Variants in PIWIL3 observed in about 807,000 individuals in gnomAD.
PIWIL3 encodes piwi like RNA-mediated gene silencing 3, also known as piwi-like protein 3.
Under a neutral mutation model 109.7 loss-of-function variants are expected in PIWIL3, and 101 were observed. That is an observed-to-expected ratio of 0.92 (90% CI 0.78 to 1.09). The LOEUF is 1.09. Ranked by LOEUF, PIWIL3 falls within the 50% of genes least tolerant of loss-of-function variation. PIWIL3 has a pLI of 0.00. For missense variants in PIWIL3, 1,031 were observed against 1,072.6 expected (o/e 0.96, Z 0.54); for synonymous variants, 373 against 376.4 (o/e 0.99, Z 0.10).
intron 12 of PIWIL3, among the ~76,000 whole-genome samples, chr22:24,737,248 G>A (rs377602762): frequency 1.5e-4 from 23 of 152,290 alleles, no homozygotes; most frequent in African/African-American, 5.3e-4. Context: ...GGATACCAGC[G>A]CAGCTACAGT....
chr22:24,773,800 C>T (rs375094020), intron 1 of PIWIL3, among the ~76,000 whole-genome samples: 2 of 149,334 alleles, frequency 1.3e-5, no homozygotes, highest in African/African-American at 5.0e-5. Flanking sequence ...CTGCAACCTC[C>T]GCCTCCCAGG....
intron 14 of PIWIL3, among the ~76,000 whole-genome samples, 180 bp from the exon 15 acceptor site, chr22:24,728,554 T>C (rs887190144): frequency 5.3e-5 from 8 of 152,202 alleles, no homozygotes; most frequent in African/African-American, 1.7e-4. Context: ...ATAACATAAT[T>C]ATATCAACTT....
chr22:24,757,621 C>T (rs1383389624), intron 4 of PIWIL3, among the ~76,000 whole-genome samples: 1 of 138,306 alleles, frequency 7.2e-6, no homozygotes, highest in Non-Finnish European at 1.6e-5. Context: ...TACATACACA[C>T]ACACACACAC....
At chr22:24,720,800 T>C (rs1017107890) in intron 19 of PIWIL3, among the ~76,000 whole-genome samples, 6 of 152,196 alleles carry the variant, frequency 3.9e-5, no homozygotes, top group Admixed American at 3.3e-4. Context: ...AATTCCACTG[T>C]GGTTTCAAGT....
intron 3 of PIWIL3, among the ~76,000 whole-genome samples, chr22:24,758,300 A>G (rs371638755): frequency 1.3e-5 from 2 of 152,198 alleles, no homozygotes; most frequent in African/African-American, 4.8e-5. Context: ...GTATTTGTTC[A>G]TGGTACAAGA....
intron 1 of PIWIL3, among the ~76,000 whole-genome samples, chr22:24,765,741 G>T (rs1423387494): frequency 6.7e-6 from 1 of 150,370 alleles, no homozygotes; most frequent in Non-Finnish European, 1.5e-5. Flanking sequence ...TGTATAAAAA[G>T]TTCCACAGGT....
chr22:24,762,237 T>TC, intron 2 of PIWIL3, 161 bp downstream of exon 2: 1 of 1,263,262 alleles, frequency 7.9e-7, no homozygotes, highest in Non-Finnish European at 1.0e-6. Context: ...AGATAAAGCC[T>TC]CCCCATGCTG....
chr22:24,769,870 C>T (rs1926032460), intron 1 of PIWIL3: 1 of 151,848 alleles, frequency 6.6e-6, no homozygotes, highest in Non-Finnish European at 1.5e-5. Context: ...AAAAAAAATC[C>T]CCAAAATATC....
At chr22:24,736,842 G>A (rs1279373235) in intron 12 of PIWIL3, among the ~76,000 whole-genome samples, 2 of 152,222 alleles carry the variant, frequency 1.3e-5, no homozygotes, top group African/African-American at 2.4e-5. Flanking sequence ...GAACTGAGCT[G>A]TCCTCAGCTG....
chr22:24,734,310 T>C (rs1923526033), intron 13 of PIWIL3, among the ~76,000 whole-genome samples, 154 bp from the exon 14 acceptor site: 1 of 152,224 alleles, frequency 6.6e-6, no homozygotes, highest in Non-Finnish European at 1.5e-5. Flanking sequence ...CAGTAGACTT[T>C]CAGTTTCCGA....
chr22:24,732,146 CCTG>C (rs1923390486), intron 14 of PIWIL3, among the ~76,000 whole-genome samples: 1 of 152,182 alleles, frequency 6.6e-6, no homozygotes. Flanking sequence ...AAATATGTGG[CCTG>C]CTATCTTTTT....
chr22:24,768,637 T>C (rs75413996), intron 1 of PIWIL3, among the ~76,000 whole-genome samples: 8,526 of 152,232 alleles, frequency 0.056, 300 homozygotes, highest in South Asian at 0.11. Flanking sequence ...CCCTCAGCCC[T>C]TACCTCTATG....
chr22:24,745,483 G>A (rs1481697475), intron 12 of PIWIL3, among the ~76,000 whole-genome samples: 17 of 151,982 alleles, frequency 1.1e-4, no homozygotes, highest in Non-Finnish European at 2.9e-5. Flanking sequence ...GGAGGTGGAG[G>A]TTGCAGTGAG....
At chr22:24,729,866 T>C (rs9624574) in intron 14 of PIWIL3, among the ~76,000 whole-genome samples, 3,151 of 152,286 alleles carry the variant, frequency 0.021, 102 homozygotes, top group African/African-American at 0.067. Context: ...GACTGGCATA[T>C]AGTAGCTTTT....
At chr22:24,761,103 T>C (rs1321700910) in intron 2 of PIWIL3, among the ~76,000 whole-genome samples, 1 of 151,178 alleles carries the variant, frequency 6.6e-6, no homozygotes, top group Admixed American at 6.6e-5. Context: ...GGAGGGCAGG[T>C]TGGGAGTGTG....
rs1006368027 is a variant in PIWIL3 at position 24,751,342 on chromosome 22, G to T, written c.1089+45C>A. Reference sequence around the variant, plus strand: ...CTAAATAACACAAACTGAAATACATGAAGGTTTACAATTTAAATATATTTA... The same window carrying T: ...CTAAATAACACAAACTGAAATACATTAAGGTTTACAATTTAAATATATTTA... On this transcript the variant is annotated intron_variant, in intron 9 of 20. Coordinates refer to ENST00000616349, the MANE Select transcript of PIWIL3 (RefSeq NM_001255975.1). 7 of 1,523,430 alleles carry T rather than the reference G, an allele frequency of 4.6e-6. No homozygotes were observed. In the African/African-American group the frequency reaches 8.4e-5, roughly 18 times the overall value. 94.4% of individuals were successfully genotyped at this position (1,523,430 alleles called of 1,614,324 possible).
At chr22:24,728,658 ATAAT>A (rs972985707) in intron 14 of PIWIL3, among the ~76,000 whole-genome samples, 13 of 152,238 alleles carry the variant, frequency 8.5e-5, no homozygotes, top group African/African-American at 2.7e-4. Context: ...ATTATAAACT[ATAAT>A]TAACATTAAA....
chr22:24,757,658 T>TTA (rs1830613129), intron 4 of PIWIL3, among the ~76,000 whole-genome samples: 2 of 88,836 alleles, frequency 2.3e-5, no homozygotes, highest in Non-Finnish European at 2.3e-5. Context: ...TATGTATATA[T>TTA]TACACACACA....
chr22:24,736,250 T>C (rs1336501623), intron 12 of PIWIL3, among the ~76,000 whole-genome samples: 1 of 152,240 alleles, frequency 6.6e-6, no homozygotes, highest in Non-Finnish European at 1.5e-5. Context: ...AAATGTATTT[T>C]GTCCTATTTT....
Sources: gnomAD v4.1 joint callset for allele counts (sites outside exome capture counted in the v4.1 genomes callset) on GRCh38, gnomAD v4.1.1 for gene constraint, MANE v1.5 for transcripts, NCBI Gene and HGNC (gene_info 2026-07-23, HGNC 2026-07-21) for gene names.